AP4S1: variants seen among roughly 807,000 people sequenced by gnomAD.
AP4S1 encodes the protein adaptor related protein complex 4 subunit sigma 1, also known as AP-4 complex subunit sigma-1.
AP4S1 carries 23 observed loss-of-function variants against 19.8 expected under a neutral mutation model. The ratio of observed to expected loss-of-function variants is 1.16; its 90% CI spans 0.84 to 1.65. AP4S1 has a LOEUF of 1.65. AP4S1 is among the 40% of genes most tolerant of loss of function. The pLI is 0.00. For synonymous variants in AP4S1, 46 were observed against 54.1 expected (o/e 0.85, Z 0.66); for missense variants, 166 against 172.8 (o/e 0.96, Z 0.22).
rs377679827 is a variant in AP4S1 at position 31,066,336 on chromosome 14, T to G, written c.138+2T>G. ...TGTCTCTCTCGATCCAATGAACAAG[T>G]AAGTCTCTGGTTCTCTCTTTTATCT... On this transcript the variant is annotated splice_donor_variant, in intron 2 of 5. Coordinates refer to ENST00000542754, the MANE Select transcript of AP4S1 (RefSeq NM_001128126.3). LOFTEE classifies it high-confidence loss of function. The G allele has an allele frequency of 2.2e-5, 36 of 1,613,828 alleles. No homozygotes were observed. The highest frequency in any genetic ancestry group is 2.7e-5 in the Non-Finnish European group (32 of 1,179,916).
At chr14:31,079,034 A>T (rs1887504396) in intron 4 of AP4S1, among the ~76,000 whole-genome samples, 1 of 152,184 alleles carries the variant, frequency 6.6e-6, no homozygotes, top group African/African-American at 2.4e-5. Context: ...TGGGGCTGAG[A>T]GAAGCATCTC....
At chr14:31,043,550 G>C (rs1370733865) in intron 1 of AP4S1, among the ~76,000 whole-genome samples, 1 of 152,164 alleles carries the variant, frequency 6.6e-6, no homozygotes, top group Non-Finnish European at 1.5e-5. Context: ...AGGATGAGGA[G>C]AGAAAGGAGG....
intron 1 of AP4S1, chr14:31,032,920 TC>T (rs1291243425): frequency 6.6e-6 from 1 of 152,228 alleles, no homozygotes; most frequent in African/African-American, 2.4e-5. Flanking sequence ...AATCTAGTCA[TC>T]TTTTTTGCAT....
chr14:31,057,754 T>C (rs1179659944), intron 1 of AP4S1, among the ~76,000 whole-genome samples: 1 of 151,952 alleles, frequency 6.6e-6, no homozygotes, highest in Non-Finnish European at 1.5e-5. Context: ...GCCTCTCAAG[T>C]AGCTATGATT....
intron 5 of AP4S1, among the ~76,000 whole-genome samples, chr14:31,088,143 G>A (rs1372701331): frequency 6.6e-6 from 1 of 152,174 alleles, no homozygotes; most frequent in African/African-American, 2.4e-5. Context: ...TGTGAACGTT[G>A]CAAATCTGAC....
intron 1 of AP4S1, among the ~76,000 whole-genome samples, chr14:31,030,580 C>T (rs945087070): frequency 6.6e-6 from 1 of 152,066 alleles, no homozygotes; most frequent in Admixed American, 6.6e-5. Flanking sequence ...AACTCCTGGC[C>T]TCAAGCAGTC....
chr14:31,074,347 A>AG (rs1239952443), intron 4 of AP4S1, among the ~76,000 whole-genome samples: 2 of 144,566 alleles, frequency 1.4e-5, no homozygotes, highest in Non-Finnish European at 3.0e-5. Context: ...AAATAAATAA[A>AG]TAAATAAATA....
chr14:31,081,049 C>T (rs1022123521), intron 5 of AP4S1, among the ~76,000 whole-genome samples: 1 of 152,188 alleles, frequency 6.6e-6, no homozygotes, highest in African/African-American at 2.4e-5. Context: ...ACCTCGGCCT[C>T]CCAAAGTGCT....
At chr14:31,068,064 C>T (rs1056587252) in intron 2 of AP4S1, among the ~76,000 whole-genome samples, 1 of 151,944 alleles carries the variant, frequency 6.6e-6, no homozygotes. Flanking sequence ...GACAGGGTTT[C>T]CCCATGTTGG....
intron 2 of AP4S1, among the ~76,000 whole-genome samples, chr14:31,069,463 A>G (rs947098081): frequency 6.6e-6 from 1 of 152,188 alleles, no homozygotes; most frequent in Non-Finnish European, 1.5e-5. Flanking sequence ...GCTTCCAAAA[A>G]AATCTTGGGG....
chr14:31,044,678 G>A (rs992920797), intron 1 of AP4S1, among the ~76,000 whole-genome samples: 39 of 151,758 alleles, frequency 2.6e-4, no homozygotes, highest in African/African-American at 9.2e-4. Context: ...AAAATTTGTA[G>A]AAATGGGGTC....
At chr14:31,091,226 A>G (rs1290505074) in intron 5 of AP4S1, among the ~76,000 whole-genome samples, 1 of 152,184 alleles carries the variant, frequency 6.6e-6, no homozygotes, top group Non-Finnish European at 1.5e-5. Context: ...TTGTATCTCA[A>G]AGAAAGTTAT....
At chr14:31,027,758 TC>T (rs1461971738) in intron 1 of AP4S1, among the ~76,000 whole-genome samples, 1 of 152,184 alleles carries the variant, frequency 6.6e-6, no homozygotes, top group Non-Finnish European at 1.5e-5. Flanking sequence ...GTGCTTAGTT[TC>T]CTAGAAAATA....
intron 1 of AP4S1, among the ~76,000 whole-genome samples, chr14:31,034,510 C>CG: frequency 6.6e-6 from 1 of 151,998 alleles, no homozygotes; most frequent in Non-Finnish European, 1.5e-5. Flanking sequence ...AGGCTGGTCT[C>CG]GAACTCCTGG....
chr14:31,091,464 T>G (rs937579646), intron 5 of AP4S1, among the ~76,000 whole-genome samples: 1 of 151,902 alleles, frequency 6.6e-6, no homozygotes, highest in Non-Finnish European at 1.5e-5. Context: ...AGTTTGGCCG[T>G]GGGACAAAGC....
chr14:31,026,083 T>TC, intron 1 of AP4S1: 2 of 1,527,942 alleles, frequency 1.3e-6, no homozygotes, highest in South Asian at 1.2e-5. Context: ...GCCGCTCCGT[T>TC]CCCCCCGGGC....
chr14:31,090,353 T>G (rs1443214184), intron 5 of AP4S1, among the ~76,000 whole-genome samples: 1 of 152,208 alleles, frequency 6.6e-6, no homozygotes, highest in African/African-American at 2.4e-5. Flanking sequence ...CCCTACGATG[T>G]TCAATTCCAA....
chr14:31,025,969 G>C, intron 1 of AP4S1, 182 bp downstream of exon 1: 1 of 1,585,610 alleles, frequency 6.3e-7, no homozygotes, highest in Non-Finnish European at 8.6e-7. Flanking sequence ...CACTCGTGCT[G>C]GATGTAGTGC....
intron 1 of AP4S1, among the ~76,000 whole-genome samples, chr14:31,047,240 T>C (rs1885460774): frequency 1.3e-5 from 2 of 152,146 alleles, no homozygotes; most frequent in South Asian, 4.1e-4. Context: ...TAAATCCAAG[T>C]CCTTCATCAG....
Sources: allele counts gnomAD v4.1 joint callset (sites outside exome capture counted in the v4.1 genomes callset), GRCh38; gene constraint gnomAD v4.1.1; transcripts MANE v1.5; gene names NCBI Gene and HGNC (gene_info 2026-07-23, HGNC 2026-07-21).